Variants in MCHR2 observed in about 807,000 individuals in gnomAD.
The protein encoded by MCHR2 is melanin concentrating hormone receptor 2.
Under a neutral mutation model 24.8 loss-of-function variants are expected in MCHR2, and 15 were observed. The observed-to-expected ratio is 0.60, with a 90% CI of 0.40 to 0.93. MCHR2 has a LOEUF of 0.93. MCHR2 is among the 40% of genes least tolerant of loss of function. The pLI is 0.00. For missense variants in MCHR2, 386 were observed against 408.7 expected, an observed-to-expected ratio of 0.94 and a Z score of 0.48; for synonymous variants, 151 against 147.6, an observed-to-expected ratio of 1.02 and a Z score of -0.17.
chr6:99,989,269 T>C (rs540588162), intron 1 of MCHR2, among the ~76,000 whole-genome samples: 21 of 152,210 alleles, frequency 1.4e-4, no homozygotes, highest in African/African-American at 5.1e-4. Flanking sequence ...AAAAAAATTA[T>C]TGCCTAGATT....
intron 1 of MCHR2, among the ~76,000 whole-genome samples, chr6:99,974,967 G>T (rs1400488465): frequency 6.6e-6 from 1 of 152,146 alleles, no homozygotes; most frequent in African/African-American, 2.4e-5. Context: ...GCCATGTGAG[G>T]TGTCAGTCTG....
intron 2 of MCHR2, 31 bp downstream of exon 2, chr6:99,955,934 AG>A: frequency 7.0e-7 from 1 of 1,435,774 alleles, no homozygotes; most frequent in Non-Finnish European, 9.3e-7. Flanking sequence ...AAAGTATGGA[AG>A]GAAAAAAAAA....
chr6:99,921,132 C>A lies in MCHR2; in HGVS notation c.831G>T (p.Met277Ile). The A allele has an allele frequency of 6.2e-7, 1 of 1,614,164 alleles. No homozygotes were observed. Among genetic ancestry groups the A allele is most frequent in the South Asian group, 1.1e-5 (1 of 91,082 alleles). Residue 277 changes from methionine to isoleucine, a missense_variant, in exon 6 of 6, where the codon ATG (methionine) becomes ATT (isoleucine). Physicochemically the swap from Met to Ile is conservative, Grantham distance 10 (BLOSUM62 1). Transcript: ENST00000281806. ...CATAGAAGGCCAGTGTGGGCTGTTC[C>A]ATCTGTAAGTTCACCAGTTGTATCA... is the stretch of plus-strand genomic sequence containing the variant. ...YHVIQLVNLQ[M>I]EQPTLAFYVG...
intron 4 of MCHR2, among the ~76,000 whole-genome samples, chr6:99,939,758 A>C (rs911505265): frequency 6.6e-6 from 1 of 150,652 alleles, no homozygotes; most frequent in African/African-American, 2.4e-5. Flanking sequence ...CATTTCTTGT[A>C]AGACAGATCT....
chr6:99,931,303 A>G (rs1223153275), intron 5 of MCHR2, among the ~76,000 whole-genome samples: 2 of 152,168 alleles, frequency 1.3e-5, no homozygotes, highest in African/African-American at 2.4e-5. Flanking sequence ...GACCCATTTG[A>G]GGAGCCAGTC....
At chr6:99,970,970 T>C (rs1437294192) in intron 1 of MCHR2, among the ~76,000 whole-genome samples, 1 of 152,222 alleles carries the variant, frequency 6.6e-6, no homozygotes, top group Admixed American at 6.5e-5. Context: ...TGTAGCCTTG[T>C]AGTATAGTTT....
chr6:99,984,073 A>G (rs1377976560), intron 1 of MCHR2, among the ~76,000 whole-genome samples: 2 of 152,146 alleles, frequency 1.3e-5, no homozygotes, highest in Non-Finnish European at 2.9e-5. Flanking sequence ...CGTAAAGGGT[A>G]TTCATTATCT....
intron 1 of MCHR2, among the ~76,000 whole-genome samples, chr6:99,969,473 C>CAAAAAAAA (rs1214316677): frequency 2.6e-5 from 2 of 76,806 alleles, no homozygotes; most frequent in Admixed American, 1.7e-4. Context: ...GACTCCATCT[C>CAAAAAAAA]AAAAAAAAAA....
intron 1 of MCHR2, among the ~76,000 whole-genome samples, chr6:99,979,446 A>G (rs1400395443): frequency 6.6e-6 from 1 of 152,176 alleles, no homozygotes; most frequent in African/African-American, 2.4e-5. Flanking sequence ...AGCACTTGCA[A>G]TGTGGCTTGT....
At chr6:99,981,610 C>T (rs1370079077) in intron 1 of MCHR2, among the ~76,000 whole-genome samples, 1 of 152,064 alleles carries the variant, frequency 6.6e-6, no homozygotes, top group Non-Finnish European at 1.5e-5. Context: ...ATAATATAAC[C>T]CATTGCATAA....
chr6:99,973,081 G>T (rs533770081), intron 1 of MCHR2, among the ~76,000 whole-genome samples: 11 of 151,768 alleles, frequency 7.2e-5, no homozygotes, highest in African/African-American at 2.7e-4. Context: ...TATTAGGTCC[G>T]CTTGGTGCAG....
intron 4 of MCHR2, among the ~76,000 whole-genome samples, chr6:99,940,663 A>G (rs1774753203): frequency 6.6e-6 from 1 of 151,456 alleles, no homozygotes; most frequent in African/African-American, 2.4e-5. Flanking sequence ...TTTGCTATTT[A>G]TTCCAGTCTT....
At chr6:99,932,514 A>G (rs574734064) in intron 5 of MCHR2, among the ~76,000 whole-genome samples, 6 of 152,206 alleles carry the variant, frequency 3.9e-5, no homozygotes, top group Non-Finnish European at 7.3e-5. Context: ...TGGTGGAGAA[A>G]CCTAGCAAAT....
chr6:99,922,794 A>T (rs1224379343), intron 5 of MCHR2, among the ~76,000 whole-genome samples: 2 of 151,960 alleles, frequency 1.3e-5, no homozygotes, highest in Non-Finnish European at 2.9e-5. Context: ...GTTACCATAG[A>T]TCTGTAGTAT....
intron 4 of MCHR2, among the ~76,000 whole-genome samples, chr6:99,939,776 G>A (rs1774736512): frequency 6.7e-6 from 1 of 150,288 alleles, no homozygotes; most frequent in South Asian, 2.1e-4. Flanking sequence ...TCTGGTGGTG[G>A]TAAATTCCTT....
At chr6:99,947,304 G>A (rs1318744662) in intron 3 of MCHR2, among the ~76,000 whole-genome samples, 1 of 152,152 alleles carries the variant, frequency 6.6e-6, no homozygotes, top group Admixed American at 6.6e-5. Flanking sequence ...GCAATAACAA[G>A]TGTATGAGAC....
chr6:99,954,510 A>C (rs1303980981), intron 2 of MCHR2, among the ~76,000 whole-genome samples: 2 of 152,192 alleles, frequency 1.3e-5, no homozygotes, highest in Non-Finnish European at 1.5e-5. Context: ...GCTGCTGTAT[A>C]ACACACAGCG....
At chr6:99,976,118 A>C (rs1312644229) in intron 1 of MCHR2, among the ~76,000 whole-genome samples, 1 of 152,232 alleles carries the variant, frequency 6.6e-6, no homozygotes, top group Non-Finnish European at 1.5e-5. Flanking sequence ...ACAGCACATT[A>C]CAAATTTTAA....
intron 5 of MCHR2, among the ~76,000 whole-genome samples, chr6:99,926,747 G>C (rs1006103640): frequency 6.6e-6 from 1 of 152,150 alleles, no homozygotes; most frequent in African/African-American, 2.4e-5. Context: ...CCCTTTGTCA[G>C]ATGAGTAGGT....
Sources: gnomAD v4.1 joint callset for allele counts (sites outside exome capture counted in the v4.1 genomes callset) on GRCh38, gnomAD v4.1.1 for gene constraint, MANE v1.5 for transcripts, NCBI Gene and HGNC (gene_info 2026-07-23, HGNC 2026-07-21) for gene names.